GLI1: variants seen among roughly 807,000 people sequenced by gnomAD.
GLI1 encodes the protein GLI family zinc finger 1.
A neutral mutation model predicts 87.8 loss-of-function variants in GLI1; 51 were observed. That is an observed-to-expected ratio of 0.58 (90% CI 0.46 to 0.73). The LOEUF (loss-of-function observed/expected upper bound fraction) is 0.73, where lower values mean the gene tolerates loss of function less well. Among genes scored for constraint, GLI1 ranks in the 30% least tolerant of loss-of-function variants. The pLI, the probability that GLI1 is intolerant of heterozygous loss-of-function variation, is 0.00. For missense variants in GLI1, 1,292 were observed against 1,437.2 expected, an observed-to-expected ratio of 0.90 and a Z score of 1.63; for synonymous variants, 528 against 558.2, an observed-to-expected ratio of 0.95 and a Z score of 0.76.
chr12:57,464,301 C>T (rs921925125), intron 3 of GLI1, among the ~76,000 whole-genome samples: 1 of 152,090 alleles, frequency 6.6e-6, no homozygotes, highest in Non-Finnish European at 1.5e-5. Flanking sequence ...GCAGGAAGAT[C>T]GCTTGAGGTC....
chr12:57,465,821 G>T lies in GLI1; in HGVS notation c.658G>T (p.Asp220Tyr), dbSNP rs1455558333. 6.2e-7 allele frequency: 1 copy of T among 1,614,214 alleles called. No individual in the cohort carries two copies. The highest frequency in any genetic ancestry group is 1.7e-5 in the Admixed American group (1 of 60,030). The change falls in exon 7 of 12, where the codon GAC becomes TAC. Residue 220 changes from aspartate (D) to tyrosine (Y), a missense_variant. This residue lies in a region of GLI1 where 383 missense variants were observed against 368.4 expected (regional missense o/e 1.04). Transcript: ENST00000228682. ...GTTGGGGATGCTGGATGGGCGGGAG[G>T]ACCTCGAGAGAGAGGAGAAGCGTGA... is the stretch of plus-strand genomic sequence containing the variant. Reference protein sequence around the residue: ...PLLGMLDGREDLEREEKREPE... With the variant: ...PLLGMLDGREYLEREEKREPE...
rs762121846 is a variant in GLI1, at chr12:57,463,786, CAGA to C, written c.98_100del (p.Glu33del). 1.0e-5 allele frequency: 16 copies of C among 1,573,060 alleles called. No individual in the cohort carries two copies. The highest frequency in any genetic ancestry group is 1.3e-5 in the Non-Finnish European group (15 of 1,148,464). On this transcript the variant is annotated inframe_deletion and splice_region_variant, in exon 2 of 12. Transcript: ENST00000228682. Reference sequence around the variant, plus strand: ...AGTCAGGGGGCCCCCAGTGTGGGGACAGAAGGTCAGTGTATATACCAATCCCTG... The same window carrying C: ...AGTCAGGGGGCCCCCAGTGTGGGGACAGGTCAGTGTATATACCAATCCCTG...
In GLI1 at chr12:57,466,405, C is replaced by T; in HGVS notation, c.912+16C>T. ...CAAGTGCACGGTGAGGCACCAGTGT[C>T]CCAAGTCCAGGGTCTCTTCCTAAAT... On this transcript the variant is annotated intron_variant, in intron 8 of 11. Transcript: ENST00000228682. The T allele has an allele frequency of 1.2e-6, 2 of 1,601,700 alleles. No individual in the cohort carries two copies. The highest frequency in any genetic ancestry group is 1.7e-6 in the Non-Finnish European group (2 of 1,171,666).
chr12:57,470,877 A>C lies in GLI1; in HGVS notation c.2137A>C (p.Met713Leu). 2 of 1,611,698 alleles carry C rather than the reference A, an allele frequency of 1.2e-6. No individual in the cohort carries two copies. Among genetic ancestry groups the C allele is most frequent in the South Asian group, 2.2e-5 (2 of 90,836 alleles). ...LQEEPEVGTS[M>L]VGSGLNPYMD... ...GGAAGAGCCAGAAGTTGGGACCTCC[A>C]TGGTGGGCAGTGGTCTGAACCCCTA... is the stretch of plus-strand genomic sequence containing the variant. Residue 713 changes from methionine to leucine, a missense_variant, in exon 12 of 12, where the codon ATG (methionine) becomes CTG (leucine). Around this residue, in one of 3 missense-constraint regions of GLI1, gnomAD observed 897 missense variants for 1,040.7 expected, o/e 0.86. Transcript: ENST00000228682.
intron 1 of GLI1, among the ~76,000 whole-genome samples, chr12:57,462,207 C>T (rs1234592325): frequency 6.6e-6 from 1 of 151,934 alleles, no homozygotes; most frequent in East Asian, 1.9e-4. Context: ...CAGCTGCCAA[C>T]CAGCTGTGCC....
intron 11 of GLI1, 117 bp from the exon 12 acceptor site, chr12:57,470,200 G>C: frequency 1.3e-6 from 1 of 748,332 alleles, no homozygotes; most frequent in Non-Finnish European, 2.3e-6. Context: ...AGAACAGACT[G>C]GTTAGGGATA....
At chr12:57,464,257 G>A (rs1180876355) in intron 3 of GLI1, among the ~76,000 whole-genome samples, 166 bp downstream of exon 3, 2 of 152,098 alleles carry the variant, frequency 1.3e-5, no homozygotes, top group African/African-American at 2.4e-5. Context: ...GGTGGCTCAC[G>A]CCTGTAATCC....
intron 9 of GLI1, 23 bp from the exon 10 acceptor site, chr12:57,467,971 T>G: frequency 6.4e-7 from 1 of 1,550,964 alleles, no homozygotes; most frequent in Non-Finnish European, 8.9e-7. Context: ...GTTTGCCTTC[T>G]GTCTCCACTC....
intron 3 of GLI1, 138 bp downstream of exon 3, chr12:57,464,229 ACAGATGGGG>A: frequency 1.4e-6 from 1 of 695,836 alleles, no homozygotes; most frequent in South Asian, 1.6e-5. Context: ...TCAAGAAGTC[ACAGATGGGG>A]CCGGGCGCGG....
intron 4 of GLI1, 53 bp from the exon 5 acceptor site, chr12:57,465,058 T>A: frequency 6.3e-7 from 1 of 1,580,136 alleles, no homozygotes; most frequent in Non-Finnish European, 8.7e-7. Flanking sequence ...AATAGCCCAA[T>A]CCTTCCTGAG....
chr12:57,464,525 CA>C (rs79390304), intron 3 of GLI1, 147 bp from the exon 4 acceptor site: 122,885 of 486,432 alleles, frequency 0.25, 194 homozygotes, highest in South Asian at 0.29. Flanking sequence ...CTGTGTCTCT[CA>C]AAAAAAAAAA....
At chr12:57,461,483 T>C (rs1231158267) in intron 1 of GLI1, among the ~76,000 whole-genome samples, 1 of 152,160 alleles carries the variant, frequency 6.6e-6, no homozygotes, top group African/African-American at 2.4e-5. Flanking sequence ...CCTAATTTTA[T>C]TGACCCAGTC....
intron 8 of GLI1, among the ~76,000 whole-genome samples, chr12:57,466,914 T>A (rs553484546): frequency 7.2e-4 from 109 of 151,544 alleles, no homozygotes; most frequent in Middle Eastern, 6.8e-3. Flanking sequence ...AAAAAAAAAA[T>A]TTTTTTTAAA....
At chr12:57,466,008 C>A in intron 7 of GLI1, 83 bp downstream of exon 7, 2 of 1,360,362 alleles carry the variant, frequency 1.5e-6, no homozygotes, top group Non-Finnish European at 2.1e-6. Context: ...CGGCTGAGGG[C>A]AGGAGGTCAG....
In GLI1 at chr12:57,462,497, C is replaced by G. The variant is rs1332065307; in HGVS notation, c.-27-1168C>G. Among the ~76,000 whole-genome samples, 6 of 150,160 alleles carry G rather than the reference C, an allele frequency of 4.0e-5. No homozygotes were observed. The East Asian group carries it at 1.2e-3, about 31-fold the overall frequency. On this transcript the variant is annotated intron_variant, in intron 1 of 11. Coordinates refer to ENST00000228682, the MANE Select transcript of GLI1 (RefSeq NM_005269.3). ...CTCATTCCCGGGAGACTGGAAAACC[C>G]GGGATGGAGTCAAAACTGGAGTTTG...
intron 1 of GLI1, among the ~76,000 whole-genome samples, chr12:57,461,006 C>T (rs1294688369): frequency 1.3e-5 from 2 of 152,320 alleles, no homozygotes; most frequent in African/African-American, 4.8e-5. Context: ...CCCGTTGGCA[C>T]CCCGCCCAAA....
chr12:57,463,702 C>T lies in GLI1; in HGVS notation c.11C>T (p.Ser4Leu), dbSNP rs141757554. The T allele has an allele frequency of 6.7e-5, 108 of 1,609,916 alleles. No individual in the cohort carries two copies. Among genetic ancestry groups the T allele is most frequent in the Non-Finnish European group, 8.7e-5 (103 of 1,177,256 alleles). MFN[S>L]MTPPPISSYG... ...CTCCTCTGAGACGCCATGTTCAACTCGATGACCCCACCACCAATCAGTAGC... is the reference window on the plus strand; with the variant it reads ...CTCCTCTGAGACGCCATGTTCAACTTGATGACCCCACCACCAATCAGTAGC... Residue 4 changes from serine to leucine, a missense_variant, in exon 2 of 12, where the codon TCG becomes TTG. Ser to Leu is a moderately radical substitution (Grantham distance 145, BLOSUM62 -2). Around this residue, in one of 3 missense-constraint regions of GLI1, gnomAD observed 383 missense variants for 368.4 expected, o/e 1.04. Transcript: ENST00000228682.
chr12:57,467,322 A>C lies in GLI1; in HGVS notation c.913-11A>C. On this transcript the variant is annotated splice_polypyrimidine_tract_variant and intron_variant, in intron 8 of 11. Coordinates refer to ENST00000228682, the MANE Select transcript of GLI1 (RefSeq NM_005269.3). Reference sequence around the variant, plus strand: ...CTGAGAACTATCCTTTGACCCCTGCATGTCCCCCAGTTTGAAGGGTGCCGG... The same window carrying C: ...CTGAGAACTATCCTTTGACCCCTGCCTGTCCCCCAGTTTGAAGGGTGCCGG... 6.3e-7 allele frequency: 1 copy of C among 1,598,240 alleles called. No individual in the cohort carries two copies. Among genetic ancestry groups the C allele is most frequent in the East Asian group, 2.2e-5 (1 of 44,528 alleles).
rs755412722 is a variant in GLI1 at position 57,471,106 on chromosome 12, T to G, written c.2366T>G (p.Leu789Arg). 8 of 1,613,508 alleles carry G rather than the reference T, an allele frequency of 5.0e-6. No individual in the cohort carries two copies. The Admixed American group carries it at 1.0e-4, about 20-fold the overall frequency. Residue 789 changes from leucine to arginine, a missense_variant, in exon 12 of 12, where the codon CTG (leucine) becomes CGG (arginine). Physicochemically the swap from Leu to Arg is moderately radical, Grantham distance 102 (BLOSUM62 -2). Transcript: ENST00000228682. The surrounding 1 kb of genome is among the most constrained non-coding windows in gnomAD (Gnocchi z 4.9). The stretch of plus-strand genomic sequence containing the variant: ...GGTGAGTTCCCTTCCCACTCTGGGC[T>G]GTACCCAGGCCCCAAGGCTCTAGGT... ...TWGEFPSHSG[L>R]YPGPKALGGT...
Sources: gnomAD v4.1 joint callset for allele counts (sites outside exome capture counted in the v4.1 genomes callset) on GRCh38, gnomAD v4.1.1 for gene constraint, gnomAD v4.1.1 regional missense constraint, Gnocchi (gnomAD v3.1) non-coding constraint, MANE v1.5 for transcripts, NCBI Gene and HGNC (gene_info 2026-07-23, HGNC 2026-07-21) for gene names.